The following LDLRAD4 variants were observed in gnomAD, a reference collection of about 807,000 sequenced individuals.
The protein encoded by LDLRAD4 is low density lipoprotein receptor class A domain containing 4.
Under a neutral mutation model 17.0 loss-of-function variants are expected in LDLRAD4, and 5 were observed. That is an observed-to-expected ratio of 0.29 (90% CI 0.15 to 0.62). LDLRAD4 has a LOEUF of 0.62. Ranked by LOEUF, LDLRAD4 falls within the 20% of genes least tolerant of loss-of-function variation. The pLI is 0.84. For synonymous variants in LDLRAD4, 168 were observed against 171.8 expected, an observed-to-expected ratio of 0.98 and a Z score of 0.17; for missense variants, 340 against 424.7, an observed-to-expected ratio of 0.80 and a Z score of 1.75.
intron 1 of LDLRAD4, among the ~76,000 whole-genome samples, chr18:13,306,203 T>C (rs1414426942): frequency 1.3e-5 from 2 of 152,256 alleles, no homozygotes; most frequent in South Asian, 2.1e-4. Context: ...ATGGATAGGC[T>C]AACTCTTATC....
At chr18:13,641,914 G>A in intron 4 of LDLRAD4, 1 of 985,542 alleles carries the variant, frequency 1.0e-6, no homozygotes, top group Non-Finnish European at 1.2e-6. Flanking sequence ...ACCTGGCGGC[G>A]TTCCTGGCTA....
chr18:13,401,370 GAA>G (rs10575892), intron 2 of LDLRAD4, among the ~76,000 whole-genome samples: 5,862 of 142,354 alleles, frequency 0.041, 329 homozygotes, highest in African/African-American at 0.13. Flanking sequence ...TCATCGCTTT[GAA>G]AAAAAAAAAA....
rs540223805 is a variant in LDLRAD4 at position 13,376,548 on chromosome 18, C to G, written c.-382-10793C>G. Among the ~76,000 whole-genome samples the G allele has an allele frequency of 2.6e-5, 4 of 152,298 alleles. No individual in the cohort carries two copies. In the South Asian group the frequency reaches 8.3e-4, roughly 32 times the overall value. On this transcript the variant is annotated intron_variant, in intron 1 of 5. Coordinates refer to ENST00000359446, the Ensembl canonical transcript of LDLRAD4. The stretch of plus-strand genomic sequence containing the variant: ...TAAGACAGACAGATCCTTTCAGCAT[C>G]AGGTATACACAGGGGCTTCTTCTGC...
At chr18:13,477,636 C>T (rs2092976156) in intron 3 of LDLRAD4, among the ~76,000 whole-genome samples, 1 of 152,196 alleles carries the variant, frequency 6.6e-6, no homozygotes, top group Admixed American at 6.5e-5. Context: ...GTTTTCTAGA[C>T]CAAGCCCCTC....
rs2093522784 is a variant in LDLRAD4 at position 13,498,319 on chromosome 18, C to CGT, written c.181+59936_181+59937dup. On this transcript the variant is annotated intron_variant, in intron 3 of 5. Transcript: ENST00000359446. ...ACTGGAGAATCCTTCTGCCCACACACGTCCTGCCGTGGACACTGGAGAATC... is the reference window on the plus strand; with the variant it reads ...ACTGGAGAATCCTTCTGCCCACACACGTGTCCTGCCGTGGACACTGGAGAATC... 2.4e-5 allele frequency among the ~76,000 whole-genome samples: 3 copies of CGT among 125,598 alleles called. No homozygotes were observed. The South Asian group carries it at 8.0e-4, about 34-fold the overall frequency. 82.4% of individuals were successfully genotyped at this position (125,598 alleles called of 152,430 possible).
Position 13,602,945 on chromosome 18 carries a change from C to T in LDLRAD4, c.182-18172C>T, listed in dbSNP as rs117049166. ...GAGAGGACATTTAATGGGAGGACAT[C>T]GCTATATGTTTTCAGTCAGAAAGAA... On this transcript the variant is annotated intron_variant, in intron 3 of 5. Coordinates refer to ENST00000359446, the Ensembl canonical transcript of LDLRAD4. Among the ~76,000 whole-genome samples the T allele has an allele frequency of 7.9e-4, 120 of 152,008 alleles. 5 individuals carry two copies. The East Asian group carries it at 0.019, about 23-fold the overall frequency.
intron 1 of LDLRAD4, among the ~76,000 whole-genome samples, chr18:13,257,772 T>C (rs2043587282): frequency 6.6e-6 from 1 of 152,224 alleles, no homozygotes; most frequent in Admixed American, 6.5e-5. Context: ...CCAGGGATGC[T>C]GTTAGACTGC....
chr18:13,574,343 G>A (rs1205405564), intron 3 of LDLRAD4, among the ~76,000 whole-genome samples: 1 of 152,124 alleles, frequency 6.6e-6, no homozygotes, highest in Admixed American at 6.5e-5. Flanking sequence ...CTGTCCCTGG[G>A]CCTAGGAGAG....
At chr18:13,294,831 A>T (rs1197375125) in intron 1 of LDLRAD4, among the ~76,000 whole-genome samples, 1 of 152,148 alleles carries the variant, frequency 6.6e-6, no homozygotes. Flanking sequence ...GTAAAAAAAA[A>T]AAAAAAAAGT....
intron 3 of LDLRAD4, among the ~76,000 whole-genome samples, chr18:13,494,988 C>T (rs2093437741): frequency 6.6e-6 from 1 of 151,976 alleles, no homozygotes; most frequent in Non-Finnish European, 1.5e-5. Flanking sequence ...TGAGACCCGC[C>T]TCCCAGCTTG....
chr18:13,346,970 C>T (rs1163215673), intron 1 of LDLRAD4, among the ~76,000 whole-genome samples: 2 of 152,200 alleles, frequency 1.3e-5, no homozygotes, highest in Admixed American at 6.5e-5. Flanking sequence ...TGTGTCTCTA[C>T]ACGTGAGATG....
At chr18:13,356,064 A>G (rs1185337125) in intron 1 of LDLRAD4, among the ~76,000 whole-genome samples, 2 of 152,276 alleles carry the variant, frequency 1.3e-5, no homozygotes, top group Non-Finnish European at 2.9e-5. Context: ...AGCGTAAGCA[A>G]GTGAGCGGGC....
At chr18:13,372,471 A>G (rs1466336031) in intron 1 of LDLRAD4, among the ~76,000 whole-genome samples, 2 of 152,254 alleles carry the variant, frequency 1.3e-5, no homozygotes, top group African/African-American at 4.8e-5. Context: ...TGAAAGAGAC[A>G]AGATGAATGC....
At chr18:13,353,639 A>G (rs1233371432) in intron 1 of LDLRAD4, among the ~76,000 whole-genome samples, 1 of 152,210 alleles carries the variant, frequency 6.6e-6, no homozygotes, top group East Asian at 1.9e-4. Context: ...GGCAATGCAG[A>G]GACCAGTCCT....
intron 1 of LDLRAD4, among the ~76,000 whole-genome samples, chr18:13,317,519 A>G (rs1031031969): frequency 5.3e-5 from 8 of 152,360 alleles, no homozygotes; most frequent in Middle Eastern, 3.4e-3. Context: ...GTTATCCTTT[A>G]TCTTTTTAAT....
At position 13,398,911 on chromosome 18, in the gene LDLRAD4, G is replaced by A. The variant is rs547312176; in HGVS notation, c.40+11149G>A. Among the ~76,000 whole-genome samples the A allele has an allele frequency of 6.6e-6, 1 of 152,178 alleles. No individual in the cohort carries two copies. The highest frequency in any genetic ancestry group is 1.9e-4 in the East Asian group (1 of 5,196). ...CCACTCTCATGGAGTATGCTCGTGCGCAGAGATGCAGCCACCCAGATCTTC... is the reference window on the plus strand; with the variant it reads ...CCACTCTCATGGAGTATGCTCGTGCACAGAGATGCAGCCACCCAGATCTTC... On this transcript the variant is annotated intron_variant, in intron 2 of 5. Transcript: ENST00000359446. The surrounding 1 kb of genome is among the most constrained non-coding windows in gnomAD (Gnocchi z 4.8).
intron 1 of LDLRAD4, among the ~76,000 whole-genome samples, chr18:13,252,579 C>A (rs1186395794): frequency 6.6e-6 from 1 of 152,194 alleles, no homozygotes; most frequent in African/African-American, 2.4e-5. Flanking sequence ...AATGTTATTA[C>A]AATTACAGAC....
At chr18:13,572,483 T>C (rs528114079) in intron 3 of LDLRAD4, among the ~76,000 whole-genome samples, 8 of 152,340 alleles carry the variant, frequency 5.3e-5, no homozygotes, top group South Asian at 4.1e-4. Context: ...TTACTGATTT[T>C]TGTGTTTGCC....
chr18:13,435,575 T>C (rs1380719457), intron 2 of LDLRAD4, among the ~76,000 whole-genome samples: 1 of 152,226 alleles, frequency 6.6e-6, no homozygotes, highest in African/African-American at 2.4e-5. Context: ...GCTTCCTGAG[T>C]AGCTGGGAGT....
Sources: allele counts gnomAD v4.1 joint callset (sites outside exome capture counted in the v4.1 genomes callset), GRCh38; gene constraint gnomAD v4.1.1; non-coding constraint Gnocchi (gnomAD v3.1); transcripts MANE v1.5; gene names NCBI Gene and HGNC (gene_info 2026-07-23, HGNC 2026-07-21).